PCDHGA3: variants seen among roughly 807,000 people sequenced by gnomAD.
PCDHGA3 encodes protocadherin gamma subfamily A, 3, also known as protocadherin gamma-A3.
PCDHGA3 carries 40 observed loss-of-function variants against 58.5 expected under a neutral mutation model. The ratio of observed to expected loss-of-function variants is 0.68; its 90% CI spans 0.53 to 0.89. PCDHGA3 has a LOEUF of 0.89. PCDHGA3 is among the 40% of genes least tolerant of loss of function. The pLI is 0.00. For missense variants in PCDHGA3, 1,223 were observed against 1,195.9 expected, an observed-to-expected ratio of 1.02 and a Z score of -0.33; for synonymous variants, 530 against 525.7, an observed-to-expected ratio of 1.01 and a Z score of -0.11.
intron 2 of PCDHGA3, among the ~76,000 whole-genome samples, chr5:141,501,907 G>T (rs4912761): frequency 0.59 from 89,145 of 151,782 alleles, 27,774 homozygotes; most frequent in African/African-American, 0.8. Context: ...CAACCCCACT[G>T]TTCCACTCAG....
chr5:141,414,726 C>G (rs761022941), intron 1 of PCDHGA3: 5 of 1,614,196 alleles, frequency 3.1e-6, no homozygotes, highest in Non-Finnish European at 4.2e-6. Context: ...ACACTGGCGT[C>G]CTGTATGCAC....
At position 141,491,168 on chromosome 5, in the gene PCDHGA3, A is replaced by T. The variant is rs1293664414; in HGVS notation, c.2425-3639A>T. On this transcript the variant is annotated intron_variant, in intron 1 of 3. Transcript: ENST00000253812. This position sits in a 1 kb window ranked among gnomAD's most constrained non-coding sequence, Gnocchi z 6.9. ...CTGGAGGATGACTCTGACACCCAGC[A>T]GGTGGTGGTCCTGGTGAGGGACAAT... 3.1e-6 allele frequency: 5 copies of T among 1,614,160 alleles called. No individual in the cohort carries two copies. The highest frequency in any genetic ancestry group is 4.2e-6 in the Non-Finnish European group (5 of 1,179,988).
Position 141,405,169 on chromosome 5 carries a change from C to G in PCDHGA3, c.2424+58712C>G, listed in dbSNP as rs377298438. 12 of 1,614,004 alleles carry G rather than the reference C, an allele frequency of 7.4e-6. No homozygotes were observed. The African/African-American group carries it at 1.6e-4, about 22-fold the overall frequency. On this transcript the variant is annotated intron_variant, in intron 1 of 3. Coordinates refer to ENST00000253812, the MANE Select transcript of PCDHGA3 (RefSeq NM_018916.4). ...GGTTGGCTGGTGTGCCCACCTCACA[C>G]TTTGTGGGTGTAGATGGGGTTCGAG...
chr5:141,400,547 CT>C (rs765907405), intron 1 of PCDHGA3: 1 of 1,613,676 alleles, frequency 6.2e-7, no homozygotes, highest in East Asian at 2.2e-5. Context: ...TATGTCTATT[CT>C]TTTTCATTAC....
At chr5:141,365,706 C>T (rs779448749) in intron 1 of PCDHGA3, 1 of 1,613,698 alleles carries the variant, frequency 6.2e-7, no homozygotes, top group African/African-American at 1.3e-5. Flanking sequence ...TCCTACTCCA[C>T]CTCTGTCACA....
At chr5:141,411,189 T>C (rs1222862554) in intron 1 of PCDHGA3, 1 of 152,208 alleles carries the variant, frequency 6.6e-6, no homozygotes, top group Non-Finnish European at 1.5e-5. Context: ...TCTTGGCATC[T>C]AAGAAAACAA....
intron 1 of PCDHGA3, chr5:141,383,744 G>A: frequency 1.2e-6 from 2 of 1,613,886 alleles, no homozygotes; most frequent in South Asian, 1.1e-5. Flanking sequence ...TATTCTTTTC[G>A]GAAAATAACT....
At position 141,395,150 on chromosome 5, in the gene PCDHGA3, C is replaced by T. The variant is rs368875505; in HGVS notation, c.2424+48693C>T. ...CCCAGCCCAACTACGCAGACATGCT[C>T]ATCAGTCAGGAGGGCTGTGAGAAAA... On this transcript the variant is annotated intron_variant, in intron 1 of 3. Transcript: ENST00000253812. 8 of 1,614,044 alleles carry T rather than the reference C, an allele frequency of 5.0e-6. No individual in the cohort carries two copies. In the African/African-American group the frequency reaches 6.7e-5, roughly 13 times the overall value.
rs2099746025 is a variant in PCDHGA3 at position 141,493,066 on chromosome 5, T to C, written c.2425-1741T>C. On this transcript the variant is annotated intron_variant, in intron 1 of 3. Coordinates refer to ENST00000253812, the MANE Select transcript of PCDHGA3 (RefSeq NM_018916.4). This position sits in a 1 kb window ranked among gnomAD's most constrained non-coding sequence, Gnocchi z 4.3. ...AACTACAATAGTAAAAAACACAAGT[T>C]TCTCCAACTCCAGGAGCTTTTATTC... Among the ~76,000 whole-genome samples the C allele has an allele frequency of 6.6e-6, 1 of 152,202 alleles. No homozygotes were observed. Among genetic ancestry groups the C allele is most frequent in the East Asian group, 1.9e-4 (1 of 5,194 alleles).
chr5:141,398,566 C>T, intron 1 of PCDHGA3: 1 of 1,613,980 alleles, frequency 6.2e-7, no homozygotes, highest in Non-Finnish European at 8.5e-7. Flanking sequence ...TGAGTCTGCA[C>T]AGCCTGGCAC....
chr5:141,474,961 AATC>A (rs2099357151), intron 1 of PCDHGA3, among the ~76,000 whole-genome samples: 1 of 152,254 alleles, frequency 6.6e-6, no homozygotes, highest in African/African-American at 2.4e-5. Flanking sequence ...TCACTATCCT[AATC>A]ATTATAATTT....
chr5:141,446,759 G>A (rs983129633), intron 1 of PCDHGA3, among the ~76,000 whole-genome samples: 5 of 152,026 alleles, frequency 3.3e-5, no homozygotes, highest in Admixed American at 1.3e-4. Flanking sequence ...GAGCCACCGC[G>A]CCCAGCCGGT....
intron 1 of PCDHGA3, chr5:141,468,330 C>CAAAAAAAAAAAAAAAAGAAAAAAAAAAA (rs2099163578): frequency 1.3e-5 from 1 of 79,888 alleles, no homozygotes; most frequent in African/African-American, 3.9e-5. Flanking sequence ...AACTCCATCT[C>CAAAAAAAAAAAAAAAAGAAAAAAAAAAA]AAAAAAAAAA....
chr5:141,394,087 C>T, intron 1 of PCDHGA3: 2 of 1,613,888 alleles, frequency 1.2e-6, no homozygotes, highest in Non-Finnish European at 1.7e-6. Context: ...GTGATGGCCT[C>T]AGATCTAGGA....
At position 141,381,798 on chromosome 5, in the gene PCDHGA3, C is replaced by CTCTT. The variant is rs372235829; in HGVS notation, c.2424+35362_2424+35365dup. ...ATCAGGAACAAGGCAAGGCAATTCC[C>CTCTT]TCTTTCTTTCTTTCTTTCTTTCTTC... is the stretch of plus-strand genomic sequence containing the variant. On this transcript the variant is annotated intron_variant, in intron 1 of 3. Coordinates refer to ENST00000253812, the MANE Select transcript of PCDHGA3 (RefSeq NM_018916.4). Among the ~76,000 whole-genome samples, 697 of 144,002 alleles carry CTCTT rather than the reference C, an allele frequency of 4.8e-3. 9 individuals carry two copies. The highest frequency in any genetic ancestry group is 9.2e-3 in the South Asian group (42 of 4,556). 94.5% of individuals were successfully genotyped at this position (144,002 alleles called of 152,430 possible).
At chr5:141,382,998 C>G in intron 1 of PCDHGA3, 2 of 1,613,740 alleles carry the variant, frequency 1.2e-6, no homozygotes, top group Non-Finnish European at 1.7e-6. Context: ...GTATTCTCTA[C>G]TCCGTGTCGG....
chr5:141,426,565 T>G, intron 1 of PCDHGA3: 1 of 351,600 alleles, frequency 2.8e-6, no homozygotes, highest in Non-Finnish European at 5.7e-6. Flanking sequence ...AGATCGAGAG[T>G]CACTGTCTTC....
At chr5:141,352,354 C>T in intron 1 of PCDHGA3, 1 of 1,614,078 alleles carries the variant, frequency 6.2e-7, no homozygotes, top group Non-Finnish European at 8.5e-7. Flanking sequence ...TCTCAGTGCT[C>T]TTTCTCCTCG....
At position 141,493,482 on chromosome 5, in the gene PCDHGA3, G is replaced by A. The variant is rs184736387; in HGVS notation, c.2425-1325G>A. ...TTTTAGGACCTTACATGTGGGGAAA[G>A]TCTTCTGTGGCTCCTCATTTCTGAG... On this transcript the variant is annotated intron_variant, in intron 1 of 3. Coordinates refer to ENST00000253812, the MANE Select transcript of PCDHGA3 (RefSeq NM_018916.4). This position sits in a 1 kb window ranked among gnomAD's most constrained non-coding sequence, Gnocchi z 4.3. Among the ~76,000 whole-genome samples the A allele has an allele frequency of 1.5e-3, 229 of 152,324 alleles. No homozygotes were observed. Among genetic ancestry groups the A allele is most frequent in the Non-Finnish European group, 2.2e-3 (147 of 68,030 alleles).
Sources: allele counts gnomAD v4.1 joint callset (sites outside exome capture counted in the v4.1 genomes callset), GRCh38; gene constraint gnomAD v4.1.1; non-coding constraint Gnocchi (gnomAD v3.1); transcripts MANE v1.5; gene names NCBI Gene and HGNC (gene_info 2026-07-23, HGNC 2026-07-21).